Variants in ADAM12 observed in about 807,000 individuals in gnomAD.
ADAM12 encodes ADAM metallopeptidase domain 12, also known as disintegrin and metalloproteinase domain-containing protein 12.
In ADAM12, 70 loss-of-function variants were observed where a neutral mutation model predicts 106.4. The ratio of observed to expected loss-of-function variants is 0.66; its 90% CI spans 0.54 to 0.80. The LOEUF (loss-of-function observed/expected upper bound fraction) is 0.80, where lower values mean the gene tolerates loss of function less well. Among genes scored for constraint, ADAM12 ranks in the 30% least tolerant of loss-of-function variants. The probability of loss-of-function intolerance (pLI) is 0.00; values close to 1 mark genes in which losing one functional copy is unlikely to be tolerated. For synonymous variants in ADAM12, 420 were observed against 433.5 expected (o/e 0.97, Z 0.39); for missense variants, 1,010 against 1,171.9 (o/e 0.86, Z 2.02).
chr10:126,159,099 G>C (rs1956885339), intron 3 of ADAM12, among the ~76,000 whole-genome samples: 1 of 152,126 alleles, frequency 6.6e-6, no homozygotes. Flanking sequence ...CACGAGGTCA[G>C]GAGATCGAGA....
chr10:126,183,637 T>C (rs911986684), intron 3 of ADAM12, among the ~76,000 whole-genome samples: 6 of 152,218 alleles, frequency 3.9e-5, no homozygotes, highest in Admixed American at 6.5e-5. Flanking sequence ...CATATAAATG[T>C]TTTTTGGATG....
chr10:126,358,102 C>A (rs767003503), intron 1 of ADAM12, among the ~76,000 whole-genome samples: 21 of 151,626 alleles, frequency 1.4e-4, no homozygotes, highest in Non-Finnish European at 2.4e-4. Context: ...GGCATGAACC[C>A]CGGGGGGTGG....
intron 21 of ADAM12, among the ~76,000 whole-genome samples, chr10:126,022,878 C>CT (rs1167343780): frequency 2.6e-5 from 4 of 152,204 alleles, no homozygotes; most frequent in African/African-American, 9.7e-5. Context: ...TTAAATAGGG[C>CT]TGTTCCATTC....
intron 3 of ADAM12, among the ~76,000 whole-genome samples, chr10:126,186,782 G>T (rs565758736): frequency 1.3e-5 from 2 of 152,316 alleles, no homozygotes; most frequent in Middle Eastern, 6.8e-3. Flanking sequence ...AATGCATCGC[G>T]GATGGACAGA....
At chr10:126,125,809 T>C (rs1956196984) in intron 5 of ADAM12, among the ~76,000 whole-genome samples, 1 of 151,584 alleles carries the variant, frequency 6.6e-6, no homozygotes, top group Admixed American at 6.6e-5. Context: ...GGGCCATAAA[T>C]CTAACGACAC....
chr10:126,032,056 A>G (rs1416195437), intron 21 of ADAM12, among the ~76,000 whole-genome samples: 1 of 152,088 alleles, frequency 6.6e-6, no homozygotes, highest in East Asian at 1.9e-4. Context: ...TTATAAGTCA[A>G]ACAGAACATT....
intron 3 of ADAM12, among the ~76,000 whole-genome samples, chr10:126,264,719 T>C (rs1424196030): frequency 6.6e-6 from 1 of 152,160 alleles, no homozygotes; most frequent in Non-Finnish European, 1.5e-5. Context: ...AATGAAACGT[T>C]GTTTTTTTGT....
At chr10:126,193,073 G>C (rs769903324) in intron 3 of ADAM12, among the ~76,000 whole-genome samples, 1 of 152,024 alleles carries the variant, frequency 6.6e-6, no homozygotes, top group African/African-American at 2.4e-5. Flanking sequence ...AGACCATCCT[G>C]GCTAACATGG....
intron 3 of ADAM12, among the ~76,000 whole-genome samples, chr10:126,230,560 C>T (rs1447506560): frequency 1.3e-5 from 2 of 152,170 alleles, no homozygotes; most frequent in Admixed American, 6.5e-5. Context: ...CCATCAACAC[C>T]GAATTGTAGT....
chr10:126,208,531 T>G (rs1213515608), intron 3 of ADAM12, among the ~76,000 whole-genome samples: 1 of 152,176 alleles, frequency 6.6e-6, no homozygotes, highest in Non-Finnish European at 1.5e-5. Flanking sequence ...CACACATAGA[T>G]TTCTTAATGA....
At chr10:126,267,118 C>T (rs1565179156) in intron 3 of ADAM12, among the ~76,000 whole-genome samples, 1 of 152,200 alleles carries the variant, frequency 6.6e-6, no homozygotes, top group Non-Finnish European at 1.5e-5. Context: ...CTAACACTGT[C>T]AATCATCTCC....
In ADAM12 at chr10:126,388,016, T is replaced by A. The variant is rs1856737175; in HGVS notation, c.88+42A>T. 8.4e-7 allele frequency: 1 copy of A among 1,194,634 alleles called. No homozygotes were observed. Among genetic ancestry groups the A allele is most frequent in the Admixed American group, 4.5e-5 (1 of 22,362 alleles). 74.0% of individuals were successfully genotyped at this position (1,194,634 alleles called of 1,614,324 possible). On this transcript the variant is annotated intron_variant, in intron 1 of 22. Coordinates refer to ENST00000448723, the MANE Select transcript of ADAM12 (RefSeq NM_001288973.2). This position sits in a 1 kb window ranked among gnomAD's most constrained non-coding sequence, Gnocchi z 4.4. The stretch of plus-strand genomic sequence containing the variant: ...CGCCCAGGCGCAGCGTGCGGTGCCC[T>A]CGGCGGGGCGGGCAGCGAGCCGCCC...
At chr10:126,072,330 G>A (rs1955014347) in intron 11 of ADAM12, among the ~76,000 whole-genome samples, 2 of 152,112 alleles carry the variant, frequency 1.3e-5, no homozygotes, top group South Asian at 4.1e-4. Flanking sequence ...GCAAAGTTAT[G>A]CTCCCCTTCT....
intron 2 of ADAM12, among the ~76,000 whole-genome samples, chr10:126,311,930 G>A (rs898793675): frequency 1.3e-5 from 2 of 152,012 alleles, no homozygotes; most frequent in African/African-American, 2.4e-5. Context: ...GGGGGTCATG[G>A]GACCCCTTCA....
At chr10:126,262,229 A>G (rs180747416) in intron 3 of ADAM12, among the ~76,000 whole-genome samples, 165 of 152,282 alleles carry the variant, frequency 1.1e-3, no homozygotes, top group Admixed American at 1.7e-3. Context: ...ATCAGTACTG[A>G]AATTTAATTA....
At chr10:126,281,178 T>A (rs1263724439) in intron 2 of ADAM12, among the ~76,000 whole-genome samples, 2 of 152,184 alleles carry the variant, frequency 1.3e-5, no homozygotes, top group African/African-American at 4.8e-5. Context: ...ATATTTACAA[T>A]AAAATATTAG....
chr10:126,232,781 A>G (rs78757417), intron 3 of ADAM12, among the ~76,000 whole-genome samples: 14,191 of 152,268 alleles, frequency 0.093, 670 homozygotes, highest in East Asian at 0.13. Context: ...CCATGACTGG[A>G]GCCCAGGTGA....
At chr10:126,164,703 G>A (rs753077478) in intron 3 of ADAM12, among the ~76,000 whole-genome samples, 1 of 152,106 alleles carries the variant, frequency 6.6e-6, no homozygotes, top group Non-Finnish European at 1.5e-5. Context: ...GAAGGCAAAC[G>A]GTATGCACCC....
chr10:126,042,308 C>T lies in ADAM12; in HGVS notation c.2104+732G>A, dbSNP rs573321511. On this transcript the variant is annotated intron_variant, in intron 18 of 22. Transcript: ENST00000448723. ...AATAAGAACTCAGAGAAAACAGCACCGCACCAGTAAACCATTTCTAAAGGT... is the reference window on the plus strand; with the variant it reads ...AATAAGAACTCAGAGAAAACAGCACTGCACCAGTAAACCATTTCTAAAGGT... The T allele has an allele frequency of 8.3e-5, 130 of 1,571,534 alleles. 1 individual carries two copies. In the South Asian group the frequency reaches 1.1e-3, roughly 13 times the overall value.
Sources: gnomAD v4.1 joint callset for allele counts (sites outside exome capture counted in the v4.1 genomes callset) on GRCh38, gnomAD v4.1.1 for gene constraint, Gnocchi (gnomAD v3.1) non-coding constraint, MANE v1.5 for transcripts, NCBI Gene and HGNC (gene_info 2026-07-23, HGNC 2026-07-21) for gene names.